The following PACRG variants were observed in gnomAD, a reference collection of about 807,000 sequenced individuals.
PACRG encodes the protein parkin coregulated gene protein.
A neutral mutation model predicts 29.7 loss-of-function variants in PACRG; 29 were observed. The ratio of observed to expected loss-of-function variants is 0.98; its 90% CI spans 0.73 to 1.33. The LOEUF (loss-of-function observed/expected upper bound fraction) is 1.33, where lower values mean the gene tolerates loss of function less well. Ranked by LOEUF, PACRG falls within the 40% of genes most tolerant of loss-of-function variation. The pLI is 0.00. For synonymous variants in PACRG, 116 were observed against 118.7 expected (o/e 0.98, Z 0.15); for missense variants, 279 against 316.2 (o/e 0.88, Z 0.89).
chr6:163,098,445 G>A (rs1422371582), intron 4 of PACRG, among the ~76,000 whole-genome samples: 6 of 152,150 alleles, frequency 3.9e-5, no homozygotes, highest in South Asian at 4.1e-4. Context: ...CAGAGGGCTC[G>A]TCCCTCCGAT....
chr6:163,177,709 G>GGTTTTTTTTTTTTTTTTT (rs1562951194), intron 4 of PACRG, among the ~76,000 whole-genome samples: 1 of 33,648 alleles, frequency 3.0e-5, no homozygotes, highest in South Asian at 1.1e-3. Context: ...TTAGAAAAGG[G>GGTTTTTTTTTTTTTTTTT]ATTTTTTTTT....
intron 1 of PACRG, among the ~76,000 whole-genome samples, chr6:162,740,688 C>T (rs1780517890): frequency 6.6e-6 from 1 of 151,750 alleles, no homozygotes; most frequent in African/African-American, 2.4e-5. Flanking sequence ...CAACCTCTGC[C>T]CCCTGGGTTC....
intron 4 of PACRG, among the ~76,000 whole-genome samples, chr6:163,240,145 C>T (rs937776455): frequency 4.6e-5 from 7 of 152,042 alleles, no homozygotes; most frequent in Admixed American, 2.0e-4. Flanking sequence ...GCTCTGCTTC[C>T]GAGACGGTGG....
chr6:162,936,792 G>A (rs1450764800), intron 2 of PACRG, among the ~76,000 whole-genome samples: 1 of 151,046 alleles, frequency 6.6e-6, no homozygotes, highest in African/African-American at 2.4e-5. Flanking sequence ...ATCTGTAATT[G>A]TTCAGAATTT....
At chr6:162,770,760 G>A (rs576781787) in intron 1 of PACRG, among the ~76,000 whole-genome samples, 212 of 152,166 alleles carry the variant, frequency 1.4e-3, no homozygotes, top group African/African-American at 4.6e-3. Context: ...GACAAAATAA[G>A]CATAAATATA....
At chr6:163,076,960 G>A (rs1187831734) in intron 3 of PACRG, among the ~76,000 whole-genome samples, 1 of 152,152 alleles carries the variant, frequency 6.6e-6, no homozygotes, top group African/African-American at 2.4e-5. Context: ...GTCCTGGCTA[G>A]TACACAAGAG....
chr6:162,814,833 C>A (rs374075830), intron 2 of PACRG, among the ~76,000 whole-genome samples: 4 of 152,282 alleles, frequency 2.6e-5, no homozygotes, highest in African/African-American at 9.6e-5. Flanking sequence ...TGACCTCCAC[C>A]GCCAAAGCCA....
At chr6:162,756,416 A>T (rs545933439) in intron 1 of PACRG, among the ~76,000 whole-genome samples, 2 of 151,892 alleles carry the variant, frequency 1.3e-5, no homozygotes, top group East Asian at 3.9e-4. Flanking sequence ...CCTTTTAATA[A>T]TTTTTTTTAC....
chr6:163,276,468 A>T (rs1457694394), intron 4 of PACRG, among the ~76,000 whole-genome samples: 1 of 152,148 alleles, frequency 6.6e-6, no homozygotes, highest in Admixed American at 6.5e-5. Flanking sequence ...CTCAGGGTAG[A>T]GAGGATGAGG....
intron 4 of PACRG, among the ~76,000 whole-genome samples, chr6:163,136,335 A>C (rs1398902444): frequency 1.3e-5 from 2 of 152,140 alleles, no homozygotes; most frequent in African/African-American, 2.4e-5. Context: ...TCTCCTTCGA[A>C]ATTATCTGGT....
intron 4 of PACRG, among the ~76,000 whole-genome samples, chr6:163,175,216 G>A (rs767377179): frequency 2.6e-5 from 4 of 152,164 alleles, no homozygotes; most frequent in Non-Finnish European, 5.9e-5. Flanking sequence ...GCCCTCCTAA[G>A]ATAATTAGGT....
At chr6:162,887,473 T>G (rs1297558621) in intron 2 of PACRG, among the ~76,000 whole-genome samples, 2 of 152,200 alleles carry the variant, frequency 1.3e-5, no homozygotes, top group Non-Finnish European at 2.9e-5. Flanking sequence ...TTGGTTCATG[T>G]GACCACAGAT....
intron 2 of PACRG, among the ~76,000 whole-genome samples, chr6:162,845,223 G>A (rs1257114690): frequency 6.6e-6 from 1 of 151,910 alleles, no homozygotes; most frequent in Non-Finnish European, 1.5e-5. Flanking sequence ...AAAATACTAG[G>A]TTAAAAAACA....
intron 3 of PACRG, among the ~76,000 whole-genome samples, chr6:163,067,867 G>T (rs184682467): frequency 6.6e-6 from 1 of 152,242 alleles, no homozygotes; most frequent in Admixed American, 6.5e-5. Flanking sequence ...AATACAACTT[G>T]TTTTTCTCAG....
At chr6:162,773,081 G>T (rs926354596) in intron 1 of PACRG, among the ~76,000 whole-genome samples, 3 of 152,184 alleles carry the variant, frequency 2.0e-5, no homozygotes, top group Admixed American at 2.0e-4. Flanking sequence ...GGCTGGTATG[G>T]TAGGGGTGAA....
At chr6:163,109,642 C>A (rs879382129) in intron 4 of PACRG, among the ~76,000 whole-genome samples, 2 of 152,204 alleles carry the variant, frequency 1.3e-5, no homozygotes. Context: ...CTAAGCACCT[C>A]CTCCCCTCAA....
intron 2 of PACRG, among the ~76,000 whole-genome samples, chr6:163,024,709 G>A (rs1384746254): frequency 6.8e-6 from 1 of 146,280 alleles, no homozygotes; most frequent in African/African-American, 2.6e-5. Context: ...ATGAACATGA[G>A]ATTTTTTTTT....
intron 4 of PACRG, among the ~76,000 whole-genome samples, chr6:163,228,724 C>T: frequency 6.6e-6 from 1 of 152,130 alleles, no homozygotes; most frequent in Non-Finnish European, 1.5e-5. Flanking sequence ...TAAAAAGAAA[C>T]CTTTATAAAT....
intron 2 of PACRG, among the ~76,000 whole-genome samples, chr6:163,019,434 C>G (rs1321912219): frequency 6.6e-6 from 1 of 152,136 alleles, no homozygotes; most frequent in Non-Finnish European, 1.5e-5. Flanking sequence ...CAGCTCCGCT[C>G]GATTTGGATT....
Sources: allele counts gnomAD v4.1 joint callset (sites outside exome capture counted in the v4.1 genomes callset), GRCh38; gene constraint gnomAD v4.1.1; transcripts MANE v1.5; gene names NCBI Gene and HGNC (gene_info 2026-07-23, HGNC 2026-07-21).